The following DDAH1 variants were observed in gnomAD, a reference collection of about 807,000 sequenced individuals.
DDAH1 encodes dimethylarginine dimethylaminohydrolase 1, also known as N(G),N(G)-dimethylarginine dimethylaminohydrolase 1.
In DDAH1, 19 loss-of-function variants were observed where a neutral mutation model predicts 28.8. The ratio of observed to expected loss-of-function variants is 0.66; its 90% CI spans 0.46 to 0.97. The LOEUF is 0.97. DDAH1 is among the 50% of genes least tolerant of loss of function. DDAH1 has a pLI of 0.00. For missense variants in DDAH1, 326 were observed against 375.9 expected, an observed-to-expected ratio of 0.87 and a Z score of 1.10; for synonymous variants, 153 against 154.4, an observed-to-expected ratio of 0.99 and a Z score of 0.07.
At chr1:85,385,666 A>G (rs1015960519) in intron 1 of DDAH1, among the ~76,000 whole-genome samples, 1 of 152,172 alleles carries the variant, frequency 6.6e-6, no homozygotes, top group African/African-American at 2.4e-5. Context: ...CTCATTTTGA[A>G]TATAGGATCT....
rs760245874 is a variant in DDAH1, at chr1:85,324,852, T to G, written c.629A>C (p.Asp210Ala). The G allele has an allele frequency of 1.2e-6, 2 of 1,614,170 alleles. No individual in the cohort carries two copies. The highest frequency in any genetic ancestry group is 2.2e-5 in the South Asian group (2 of 91,072). ...IMQQMSDHRYDKLTVPDDIAA... is the reference protein window; with the variant it reads ...IMQQMSDHRYAKLTVPDDIAA... Reference sequence around the variant, plus strand: ...TATGTCATCAGGCACAGTGAGTTTGTCGTAGCGGTGGTCACTCATCTGTTG... The same window carrying G: ...TATGTCATCAGGCACAGTGAGTTTGGCGTAGCGGTGGTCACTCATCTGTTG... The change falls in exon 5 of 6, where the codon GAC (aspartate) becomes GCC (alanine). Residue 210 changes from aspartate (D) to alanine (A), a missense_variant. Physicochemically the swap from Asp to Ala is moderately radical, Grantham distance 126. Coordinates refer to ENST00000284031, the MANE Select transcript of DDAH1 (RefSeq NM_012137.4).
At chr1:85,576,563 G>C (rs998705020) in intron 1 of DDAH1, 9 of 152,644 alleles carry the variant, frequency 5.9e-5, no homozygotes, top group African/African-American at 2.2e-4. Context: ...GCTCTCGGGT[G>C]CGCTTGGTGT....
chr1:85,573,884 A>G (rs1271148940), intron 1 of DDAH1, among the ~76,000 whole-genome samples: 1 of 152,244 alleles, frequency 6.6e-6, no homozygotes, highest in Non-Finnish European at 1.5e-5. Context: ...GCTGTTCCCT[A>G]CAATTTCACA....
intron 1 of DDAH1, among the ~76,000 whole-genome samples, chr1:85,519,073 C>T (rs779704240): frequency 2.1e-5 from 3 of 143,234 alleles, no homozygotes; most frequent in Non-Finnish European, 3.0e-5. Flanking sequence ...CAAGAAGAAA[C>T]GAGGAAAGAC....
chr1:85,437,423 A>G lies in DDAH1; in HGVS notation c.303+27320T>C, dbSNP rs117429588. On this transcript the variant is annotated intron_variant, in intron 1 of 5. Transcript: ENST00000284031. ...CTTCTGCCACCCCTGAGACAGCAAG[A>G]TCGACCCCTCCTCTTCCTTCTCCTC... is the stretch of plus-strand genomic sequence containing the variant. Among the ~76,000 whole-genome samples, 23 of 152,284 alleles carry G rather than the reference A, an allele frequency of 1.5e-4. No homozygotes were observed. In the East Asian group the frequency reaches 4.4e-3, roughly 29 times the overall value.
At chr1:85,360,886 A>C (rs1211801232) in intron 1 of DDAH1, among the ~76,000 whole-genome samples, 2 of 152,230 alleles carry the variant, frequency 1.3e-5, no homozygotes, top group Non-Finnish European at 2.9e-5. Context: ...GACATTAAAA[A>C]AACTAGCTCT....
At chr1:85,472,745 G>A (rs192550055) in intron 2 of DDAH1, among the ~76,000 whole-genome samples, 4 of 152,176 alleles carry the variant, frequency 2.6e-5, no homozygotes, top group Non-Finnish European at 5.9e-5. Flanking sequence ...TAGATTCAGC[G>A]GGTACATGTG....
intron 1 of DDAH1, among the ~76,000 whole-genome samples, chr1:85,515,928 A>T (rs1657453885): frequency 6.6e-6 from 1 of 152,222 alleles, no homozygotes; most frequent in Non-Finnish European, 1.5e-5. Flanking sequence ...GCTAAGATCA[A>T]GTTGATGTCG....
intron 1 of DDAH1, among the ~76,000 whole-genome samples, chr1:85,416,753 T>C (rs981115221): frequency 1.3e-5 from 2 of 152,162 alleles, no homozygotes; most frequent in African/African-American, 2.4e-5. Flanking sequence ...CTGTAACCTT[T>C]GCCTCGTGGG....
chr1:85,445,156 ACT>A (rs1654377517), intron 1 of DDAH1, among the ~76,000 whole-genome samples: 3 of 152,240 alleles, frequency 2.0e-5, no homozygotes. Flanking sequence ...TCCCCAGCCC[ACT>A]GACTTAAATG....
At chr1:85,423,060 T>C (rs1261522546) in intron 1 of DDAH1, among the ~76,000 whole-genome samples, 2 of 152,222 alleles carry the variant, frequency 1.3e-5, no homozygotes, top group Non-Finnish European at 2.9e-5. Flanking sequence ...CTTTTAATCC[T>C]TGTCAAAGAT....
At chr1:85,413,709 C>T (rs1431820366) in intron 1 of DDAH1, among the ~76,000 whole-genome samples, 8 of 152,102 alleles carry the variant, frequency 5.3e-5, no homozygotes, top group Non-Finnish European at 8.8e-5. Context: ...AATTCAAATC[C>T]GAAAAACAAT....
chr1:85,538,491 C>A (rs1222713944), intron 1 of DDAH1, among the ~76,000 whole-genome samples: 7 of 152,138 alleles, frequency 4.6e-5, no homozygotes, highest in Non-Finnish European at 7.3e-5. Flanking sequence ...CGGGGGCCTA[C>A]CTCAATGATT....
chr1:85,323,777 C>T (rs1270019262), intron 5 of DDAH1, among the ~76,000 whole-genome samples: 1 of 151,598 alleles, frequency 6.6e-6, no homozygotes, highest in African/African-American at 2.4e-5. Flanking sequence ...TTGAGACTAG[C>T]TTGGGCAACA....
At position 85,343,887 on chromosome 1, in the gene DDAH1, GA is replaced by G. The variant is rs1648667163; in HGVS notation, c.597+6527del. Among the ~76,000 whole-genome samples, 5 of 152,316 alleles carry G rather than the reference GA, an allele frequency of 3.3e-5. No homozygotes were observed. The South Asian group carries it at 1.0e-3, about 32-fold the overall frequency. On this transcript the variant is annotated intron_variant, in intron 4 of 5. Coordinates refer to ENST00000284031, the MANE Select transcript of DDAH1 (RefSeq NM_012137.4). Reference sequence around the variant, plus strand: ...TGCTGCAGCTGAGTCAAAACAAGAGGAAATACAGTCTGAGTGATCTCTATTA... The same window carrying G: ...TGCTGCAGCTGAGTCAAAACAAGAGGAATACAGTCTGAGTGATCTCTATTA...
intron 2 of DDAH1, among the ~76,000 whole-genome samples, chr1:85,484,715 C>T (rs986081455): frequency 6.6e-6 from 1 of 152,082 alleles, no homozygotes; most frequent in Non-Finnish European, 1.5e-5. Flanking sequence ...ATGTAAATTC[C>T]ACATTAATCC....
chr1:85,403,184 T>C (rs1322400363), intron 1 of DDAH1, among the ~76,000 whole-genome samples: 1 of 143,674 alleles, frequency 7.0e-6, no homozygotes, highest in South Asian at 2.4e-4. Context: ...TATATACATA[T>C]ACCTATATAT....
intron 4 of DDAH1, among the ~76,000 whole-genome samples, chr1:85,349,035 A>G (rs1649037933): frequency 6.6e-6 from 1 of 152,228 alleles, no homozygotes; most frequent in Non-Finnish European, 1.5e-5. Flanking sequence ...GATAGATACC[A>G]CAGTCCCTAA....
At chr1:85,430,537 A>C (rs187232284) in intron 1 of DDAH1, among the ~76,000 whole-genome samples, 3 of 152,162 alleles carry the variant, frequency 2.0e-5, no homozygotes, top group Admixed American at 2.0e-4. Context: ...ATGATCATGG[A>C]ATGTTTTTCC....
Sources: allele counts gnomAD v4.1 joint callset (sites outside exome capture counted in the v4.1 genomes callset), GRCh38; gene constraint gnomAD v4.1.1; transcripts MANE v1.5; gene names NCBI Gene and HGNC (gene_info 2026-07-23, HGNC 2026-07-21).